Variants in BRINP3 observed in about 807,000 individuals in gnomAD.
The protein encoded by BRINP3 is BMP/retinoic acid inducible neural specific 3.
In BRINP3, 19 loss-of-function variants were observed where a neutral mutation model predicts 71.0. The observed-to-expected ratio is 0.27, with a 90% CI of 0.19 to 0.39. The LOEUF is 0.39. Ranked by LOEUF, BRINP3 falls within the 10% of genes least tolerant of loss-of-function variation. The pLI is 1.00. For synonymous variants in BRINP3, 380 were observed against 337.7 expected, an observed-to-expected ratio of 1.13 and a Z score of -1.37; for missense variants, 959 against 940.8, an observed-to-expected ratio of 1.02 and a Z score of -0.25.
chr1:190,343,657 T>C (rs558202820), intron 2 of BRINP3, among the ~76,000 whole-genome samples: 1 of 151,792 alleles, frequency 6.6e-6, no homozygotes, highest in East Asian at 1.9e-4. Context: ...ATCTCTAATT[T>C]GTTAGAGGTG....
At chr1:190,408,669 CTT>C (rs1672462903) in intron 2 of BRINP3, among the ~76,000 whole-genome samples, 1 of 152,094 alleles carries the variant, frequency 6.6e-6, no homozygotes, top group African/African-American at 2.4e-5. Context: ...GTATTAAACT[CTT>C]TTTTCTATCA....
At chr1:190,327,326 C>CAAAAAAAAAA (rs1227478693) in intron 2 of BRINP3, among the ~76,000 whole-genome samples, 23 of 44,242 alleles carry the variant, frequency 5.2e-4, no homozygotes, top group African/African-American at 7.6e-4. Flanking sequence ...AAAAAAAGAA[C>CAAAAAAAAAA]AAAAAAAAAA....
intron 2 of BRINP3, among the ~76,000 whole-genome samples, chr1:190,298,851 A>G (rs907040016): frequency 1.3e-5 from 2 of 152,126 alleles, no homozygotes; most frequent in African/African-American, 4.8e-5. Context: ...GTTCCTCTAT[A>G]TCCTTGCTGA....
At chr1:190,279,567 G>A (rs1001551724) in intron 3 of BRINP3, among the ~76,000 whole-genome samples, 1 of 151,794 alleles carries the variant, frequency 6.6e-6, no homozygotes, top group Non-Finnish European at 1.5e-5. Flanking sequence ...ATTCATTTGT[G>A]GAACAAGGTA....
Position 190,230,720 on chromosome 1 carries a change from T to C in BRINP3, c.724+3652A>G, listed in dbSNP as rs184307669. On this transcript the variant is annotated intron_variant, in intron 5 of 7. Coordinates refer to ENST00000367462, the MANE Select transcript of BRINP3 (RefSeq NM_199051.3). ...ATGAGTTTTTAGTAATGACCTTCTTTTTCATACATCTTCTCAAGTGGAAAA... is the reference window on the plus strand; with the variant it reads ...ATGAGTTTTTAGTAATGACCTTCTTCTTCATACATCTTCTCAAGTGGAAAA... 1.7e-4 allele frequency among the ~76,000 whole-genome samples: 26 copies of C among 151,842 alleles called. No individual in the cohort carries two copies. The East Asian group carries it at 5.0e-3, about 29-fold the overall frequency.
At chr1:190,327,352 G>GAAAAAAAAA (rs796445574) in intron 2 of BRINP3, among the ~76,000 whole-genome samples, 1 of 77,424 alleles carries the variant, frequency 1.3e-5, no homozygotes, top group Non-Finnish European at 2.8e-5. Flanking sequence ...AAAAAAAAAG[G>GAAAAAAAAA]AAAAAAAAAA....
At chr1:190,410,671 A>G (rs1166292683) in intron 2 of BRINP3, among the ~76,000 whole-genome samples, 1 of 152,124 alleles carries the variant, frequency 6.6e-6, no homozygotes, top group African/African-American at 2.4e-5. Context: ...TTTAGAAGAA[A>G]AACTAATAAA....
At position 190,204,982 on chromosome 1, in the gene BRINP3, TC is replaced by T. The variant is rs374973310; in HGVS notation, c.961+21099del. Among the ~76,000 whole-genome samples the T allele has an allele frequency of 4.8e-3, 525 of 108,722 alleles. 5 individuals are homozygous for T. The highest frequency in any genetic ancestry group is 0.022 in the African/African-American group (511 of 23,624). The allele number at this position is 108,722 out of a possible 152,430, so 71.3% of individuals were successfully genotyped here. A position where few individuals can be genotyped will look rare whatever the true frequency, so the allele number is the denominator to read the frequency against. ...TGAATTTTGGATTCAACATATCATT[TC>T]CTTTGGCAAAAAAAAAAAAAAATCA... On this transcript the variant is annotated intron_variant, in intron 6 of 7. Coordinates refer to ENST00000367462, the MANE Select transcript of BRINP3 (RefSeq NM_199051.3).
chr1:190,252,062 C>A (rs1382116357), intron 4 of BRINP3, among the ~76,000 whole-genome samples: 1 of 152,014 alleles, frequency 6.6e-6, no homozygotes, highest in Admixed American at 6.6e-5. Context: ...AATCAAAAGT[C>A]ACTTTGTATA....
At chr1:190,285,898 T>C (rs16832235) in intron 2 of BRINP3, among the ~76,000 whole-genome samples, 2,338 of 152,270 alleles carry the variant, frequency 0.015, 16 homozygotes, top group Non-Finnish European at 0.025. Flanking sequence ...TTCATCCAGA[T>C]GCTTTATGTT....
rs534472879 is a variant in BRINP3 at position 190,260,996 on chromosome 1, G to T, written c.618+3869C>A. ...CAGTAACATATCAGTAATTATTTTT[G>T]AAAATAATTACTTTTAAAACTTTTT... On this transcript the variant is annotated intron_variant, in intron 4 of 7. Transcript: ENST00000367462. 2.0e-5 allele frequency among the ~76,000 whole-genome samples: 3 copies of T among 151,852 alleles called. No individual in the cohort carries two copies. In the East Asian group the frequency reaches 5.8e-4, roughly 29 times the overall value.
chr1:190,126,566 C>T (rs1209395966), intron 7 of BRINP3, among the ~76,000 whole-genome samples: 2 of 151,872 alleles, frequency 1.3e-5, no homozygotes, highest in Non-Finnish European at 2.9e-5. Flanking sequence ...ACTGTTAATT[C>T]CCAGTTCACT....
intron 7 of BRINP3, among the ~76,000 whole-genome samples, chr1:190,143,725 C>T (rs1655649776): frequency 6.6e-6 from 1 of 152,098 alleles, no homozygotes; most frequent in Non-Finnish European, 1.5e-5. Flanking sequence ...TATGTTCTGG[C>T]TCTAGCTGAA....
At chr1:190,210,058 T>C (rs1655854015) in intron 6 of BRINP3, among the ~76,000 whole-genome samples, 1 of 152,080 alleles carries the variant, frequency 6.6e-6, no homozygotes, top group Non-Finnish European at 1.5e-5. Flanking sequence ...TATACAACAT[T>C]AGAGGATTTT....
At chr1:190,353,560 TCAAA>T (rs1164694026) in intron 2 of BRINP3, among the ~76,000 whole-genome samples, 8 of 152,172 alleles carry the variant, frequency 5.3e-5, no homozygotes, top group African/African-American at 1.7e-4. Flanking sequence ...TAAAAATAAT[TCAAA>T]CAAAATTTTG....
intron 7 of BRINP3, among the ~76,000 whole-genome samples, chr1:190,141,848 A>T (rs1202396620): frequency 6.6e-6 from 1 of 151,602 alleles, no homozygotes; most frequent in East Asian, 1.9e-4. Context: ...GTGAGCCACC[A>T]CGCCTAGCCT....
At chr1:190,143,906 T>C (rs1370034206) in intron 7 of BRINP3, among the ~76,000 whole-genome samples, 3 of 152,194 alleles carry the variant, frequency 2.0e-5, no homozygotes, top group African/African-American at 7.2e-5. Flanking sequence ...GCCATGACCA[T>C]TTATAATTTT....
At chr1:190,249,938 T>C (rs1236022656) in intron 4 of BRINP3, among the ~76,000 whole-genome samples, 3 of 151,912 alleles carry the variant, frequency 2.0e-5, no homozygotes, top group Non-Finnish European at 4.4e-5. Context: ...TAATAGAAGA[T>C]TGTAGTTTAA....
intron 4 of BRINP3, among the ~76,000 whole-genome samples, chr1:190,245,127 G>A (rs1309259394): frequency 2.0e-5 from 3 of 151,838 alleles, no homozygotes; most frequent in Non-Finnish European, 4.4e-5. Flanking sequence ...ACAAGCACCC[G>A]AGAGAACTGA....
Sources: gnomAD v4.1 joint callset for allele counts (sites outside exome capture counted in the v4.1 genomes callset) on GRCh38, gnomAD v4.1.1 for gene constraint, MANE v1.5 for transcripts, NCBI Gene and HGNC (gene_info 2026-07-23, HGNC 2026-07-21) for gene names.